CHCHD3: variants seen among roughly 807,000 people sequenced by gnomAD.
The protein encoded by CHCHD3 is coiled-coil-helix-coiled-coil-helix domain containing 3, also known as MICOS complex subunit MIC19.
In CHCHD3, 20 loss-of-function variants were observed where a neutral mutation model predicts 38.2. That is an observed-to-expected ratio of 0.52 (90% CI 0.37 to 0.76). The LOEUF is 0.76. Among genes scored for constraint, CHCHD3 ranks in the 30% least tolerant of loss-of-function variants. The pLI is 0.00. For missense variants in CHCHD3, 245 were observed against 279.2 expected (o/e 0.88, Z 0.87); for synonymous variants, 82 against 100.0 (o/e 0.82, Z 1.07).
intron 6 of CHCHD3, among the ~76,000 whole-genome samples, chr7:132,830,983 T>C (rs1026220457): frequency 6.6e-6 from 1 of 152,128 alleles, no homozygotes; most frequent in Non-Finnish European, 1.5e-5. Flanking sequence ...GCTATATTTC[T>C]TGCTCACAGC....
At chr7:132,909,993 T>G (rs532717527) in intron 4 of CHCHD3, among the ~76,000 whole-genome samples, 1 of 152,206 alleles carries the variant, frequency 6.6e-6, no homozygotes, top group South Asian at 2.1e-4. Flanking sequence ...GCATACACAC[T>G]TGACCCTTGA....
chr7:132,999,050 G>A (rs1456603099), intron 3 of CHCHD3, among the ~76,000 whole-genome samples: 1 of 152,118 alleles, frequency 6.6e-6, no homozygotes, highest in Non-Finnish European at 1.5e-5. Context: ...GAGCCCAGGA[G>A]GTTGAGGCCG....
chr7:132,837,597 C>T (rs1807819612), intron 6 of CHCHD3, among the ~76,000 whole-genome samples: 1 of 152,202 alleles, frequency 6.6e-6, no homozygotes, highest in Middle Eastern at 3.2e-3. Flanking sequence ...GTAATTCCAC[C>T]TTAGGGTTTA....
At chr7:133,072,808 A>G (rs1042529281) in intron 1 of CHCHD3, among the ~76,000 whole-genome samples, 2 of 146,172 alleles carry the variant, frequency 1.4e-5, no homozygotes, top group African/African-American at 5.0e-5. Flanking sequence ...CCTGGGCAAC[A>G]GAGTGAGACT....
chr7:133,033,829 T>G (rs1392654421), intron 2 of CHCHD3, among the ~76,000 whole-genome samples: 1 of 152,162 alleles, frequency 6.6e-6, no homozygotes, highest in Non-Finnish European at 1.5e-5. Flanking sequence ...TACTCTCTGC[T>G]AATCATCACA....
chr7:133,051,253 G>A (rs1453159145), intron 2 of CHCHD3, among the ~76,000 whole-genome samples: 1 of 152,144 alleles, frequency 6.6e-6, no homozygotes, highest in Non-Finnish European at 1.5e-5. Context: ...TCTTGAGGCT[G>A]CATTTCAAAA....
At chr7:132,993,114 A>C (rs1562931964) in intron 3 of CHCHD3, among the ~76,000 whole-genome samples, 1 of 152,154 alleles carries the variant, frequency 6.6e-6, no homozygotes, top group Admixed American at 6.5e-5. Context: ...GGAAGTTCAT[A>C]AGGCTTTCTC....
intron 5 of CHCHD3, among the ~76,000 whole-genome samples, chr7:132,871,167 A>AT (rs1370735688): frequency 6.6e-6 from 1 of 152,180 alleles, no homozygotes; most frequent in Non-Finnish European, 1.5e-5. Flanking sequence ...AGTCTAACTG[A>AT]TATTTCCATA....
chr7:132,983,575 C>G (rs1811976877), intron 3 of CHCHD3, among the ~76,000 whole-genome samples: 1 of 152,102 alleles, frequency 6.6e-6, no homozygotes, highest in Non-Finnish European at 1.5e-5. Flanking sequence ...GTTAGTCTCT[C>G]CAGTAAATTG....
rs578015771 is a variant in CHCHD3, at chr7:132,899,132, C to G, written c.370-13387G>C. Among the ~76,000 whole-genome samples, 22 of 152,284 alleles carry G rather than the reference C, an allele frequency of 1.4e-4. 1 individual carries two copies. In the South Asian group the frequency reaches 4.4e-3, roughly 30 times the overall value. On this transcript the variant is annotated intron_variant, in intron 4 of 7. Coordinates refer to ENST00000262570, the MANE Select transcript of CHCHD3 (RefSeq NM_017812.4). ...AGGCAGAGGAGGCGCCGAGAGCGAGCGAGGGCTGTGAGGACTGCCAGCACG... is the reference window on the plus strand; with the variant it reads ...AGGCAGAGGAGGCGCCGAGAGCGAGGGAGGGCTGTGAGGACTGCCAGCACG...
At chr7:132,844,671 T>C (rs1299948649) in intron 5 of CHCHD3, among the ~76,000 whole-genome samples, 1 of 152,206 alleles carries the variant, frequency 6.6e-6, no homozygotes, top group African/African-American at 2.4e-5. Flanking sequence ...TTTGAGAAGG[T>C]AGATCTCATA....
At chr7:132,925,243 A>G (rs1810346369) in intron 4 of CHCHD3, among the ~76,000 whole-genome samples, 1 of 151,500 alleles carries the variant, frequency 6.6e-6, no homozygotes, top group Non-Finnish European at 1.5e-5. Context: ...TAAAAAAAAG[A>G]AAAAAAAAGG....
At chr7:132,853,109 G>A (rs1057504585) in intron 5 of CHCHD3, among the ~76,000 whole-genome samples, 1 of 152,102 alleles carries the variant, frequency 6.6e-6, no homozygotes, top group African/African-American at 2.4e-5. Context: ...TAAAGGATGA[G>A]TGCCACAAAC....
At chr7:132,838,927 A>T (rs1214429279) in intron 5 of CHCHD3, among the ~76,000 whole-genome samples, 1 of 152,202 alleles carries the variant, frequency 6.6e-6, no homozygotes, top group Non-Finnish European at 1.5e-5. Context: ...GGTATGGCTC[A>T]TGCCTATAAT....
intron 3 of CHCHD3, among the ~76,000 whole-genome samples, chr7:132,988,848 T>G (rs1812196351): frequency 6.6e-6 from 1 of 151,850 alleles, no homozygotes; most frequent in African/African-American, 2.4e-5. Flanking sequence ...GACTGCAGGA[T>G]TTGGAGGCTG....
At chr7:132,921,165 G>T (rs531688618) in intron 4 of CHCHD3, among the ~76,000 whole-genome samples, 1 of 152,108 alleles carries the variant, frequency 6.6e-6, no homozygotes, top group African/African-American at 2.4e-5. Context: ...CAATATTTTC[G>T]CTCTTTTATT....
chr7:133,045,015 C>A (rs1011223599), intron 2 of CHCHD3, among the ~76,000 whole-genome samples: 6 of 152,196 alleles, frequency 3.9e-5, no homozygotes, highest in Admixed American at 3.9e-4. Flanking sequence ...TGTGCTCAGT[C>A]GTTTTTTTCC....
In CHCHD3 at chr7:132,882,461, C is replaced by CTATATA. The variant is rs71178065; in HGVS notation, c.453+3195_453+3200dup. 3.8e-3 allele frequency among the ~76,000 whole-genome samples: 515 copies of CTATATA among 134,764 alleles called. 4 individuals are homozygous for CTATATA. Among genetic ancestry groups the CTATATA allele is most frequent in the African/African-American group, 0.014 (490 of 36,274 alleles). The allele number at this position is 134,764 out of a possible 152,430, so 88.4% of individuals were successfully genotyped here. A position where few individuals can be genotyped will look rare whatever the true frequency, so the allele number is the denominator to read the frequency against. On this transcript the variant is annotated intron_variant, in intron 5 of 7. Transcript: ENST00000262570. ...TCTTCAAAAAGGAAAACAATATATT[C>CTATATA]TATATATATATATATATATATATAT...
intron 6 of CHCHD3, among the ~76,000 whole-genome samples, chr7:132,819,653 C>T (rs982673663): frequency 2.0e-5 from 3 of 152,158 alleles, no homozygotes; most frequent in Admixed American, 1.3e-4. Context: ...CTTACATTGT[C>T]ATAAGGGCTG....
Sources: allele counts gnomAD v4.1 joint callset (sites outside exome capture counted in the v4.1 genomes callset), GRCh38; gene constraint gnomAD v4.1.1; transcripts MANE v1.5; gene names NCBI Gene and HGNC (gene_info 2026-07-23, HGNC 2026-07-21).